DYNC2H1: variants seen among roughly 807,000 people sequenced by gnomAD.
The protein encoded by DYNC2H1 is cytoplasmic dynein 2 heavy chain 1.
Under a neutral mutation model 570.0 loss-of-function variants are expected in DYNC2H1, and 410 were observed. The observed-to-expected ratio is 0.72, with a 90% CI of 0.66 to 0.78. The LOEUF (loss-of-function observed/expected upper bound fraction) is 0.78. DYNC2H1 is among the 30% of genes least tolerant of loss of function. The pLI, the probability that DYNC2H1 is intolerant of heterozygous loss-of-function variation, is 0.00. For missense variants in DYNC2H1, 4,865 were observed against 5,046.4 expected (o/e 0.96, Z 1.09); for synonymous variants, 1,688 against 1,677.6 (o/e 1.01, Z -0.15).
In DYNC2H1 at chr11:103,249,637, G is replaced by C. The variant is rs1225319779; in HGVS notation, c.10043-3648G>C. The stretch of plus-strand genomic sequence containing the variant: ...ACTACTCTAGACTGAGATCTGGCCA[G>C]ATTCTAATAGCTTGGACTTTGTGTA... On this transcript the variant is annotated intron_variant, in intron 65 of 88. Transcript: ENST00000375735. This position sits in a 1 kb window ranked among gnomAD's most constrained non-coding sequence, Gnocchi z 4.6. Among the ~76,000 whole-genome samples, 1 of 152,000 alleles carries C rather than the reference G, an allele frequency of 6.6e-6. No homozygotes were observed. The highest frequency in any genetic ancestry group is 2.4e-5 in the African/African-American group (1 of 41,414).
At position 103,215,806 on chromosome 11, in the gene DYNC2H1, C is replaced by T. The variant is rs752196931; in HGVS notation, c.8780C>T (p.Thr2927Met). ...KAGEQSVLLK[T>M]KQDEADAALQ... ...GGAGAACAAAGTGTGTTACTTAAAA[C>T]GAAGCAAGATGAAGCAGATGCTGCC... The change falls in exon 55 of 89, where the codon ACG (threonine) becomes ATG (methionine). Residue 2927 changes from threonine (T) to methionine (M), a missense_variant. By Grantham distance (81) the Thr-to-Met change is moderately conservative (BLOSUM62 -1). Coordinates refer to ENST00000375735, the MANE Select transcript of DYNC2H1 (RefSeq NM_001377.3). The T allele has an allele frequency of 3.3e-5, 53 of 1,612,426 alleles. No homozygotes were observed. The highest frequency in any genetic ancestry group is 1.7e-4 in the Middle Eastern group (1 of 6,056).
intron 84 of DYNC2H1, among the ~76,000 whole-genome samples, chr11:103,421,154 G>A (rs1040639406): frequency 2.0e-5 from 3 of 151,720 alleles, no homozygotes; most frequent in Non-Finnish European, 1.5e-5. Flanking sequence ...AATGGTAAAG[G>A]GCTCAATTCA....
In DYNC2H1 at chr11:103,455,334, G is replaced by T; in HGVS notation, c.12566+39G>T. ...AATACTTTACCTATTTGTCCCTGACGGTAATTAGTTTTGCTTTATTGACTT... is the reference window on the plus strand; with the variant it reads ...AATACTTTACCTATTTGTCCCTGACTGTAATTAGTTTTGCTTTATTGACTT... On this transcript the variant is annotated intron_variant, in intron 86 of 88. Coordinates refer to ENST00000375735, the MANE Select transcript of DYNC2H1 (RefSeq NM_001377.3). The T allele has an allele frequency of 1.9e-6, 3 of 1,567,550 alleles. No homozygotes were observed. The African/African-American group carries it at 4.0e-5, about 21-fold the overall frequency.
chr11:103,231,182 A>T, intron 59 of DYNC2H1, 78 bp from the exon 60 acceptor site: 1 of 774,994 alleles, frequency 1.3e-6, no homozygotes, highest in Non-Finnish European at 2.0e-6. Context: ...TCATATGATT[A>T]CATTTTAAGG....
Position 103,282,230 on chromosome 11 carries a change from G to GTC in DYNC2H1, c.10812+2_10812+3insCT. On this transcript the variant is annotated splice_donor_variant, in intron 72 of 88. Transcript: ENST00000375735. LOFTEE classifies it high-confidence loss of function. ...TGTTGGAGACATGTTACGGAAAGCT[G>GTC]TAAGTTAAAATAACAAAATCTATTT... is the stretch of plus-strand genomic sequence containing the variant. The GTC allele has an allele frequency of 6.2e-7, 1 of 1,607,206 alleles. No homozygotes were observed. The highest frequency in any genetic ancestry group is 8.5e-7 in the Non-Finnish European group (1 of 1,177,300).
At chr11:103,473,078 A>G (rs1945436853) in intron 88 of DYNC2H1, among the ~76,000 whole-genome samples, 1 of 152,218 alleles carries the variant, frequency 6.6e-6, no homozygotes, top group Non-Finnish European at 1.5e-5. Flanking sequence ...TAAGACTTCT[A>G]TTGGGGCATG....
intron 40 of DYNC2H1, among the ~76,000 whole-genome samples, chr11:103,182,726 A>G (rs1345505712): frequency 6.6e-6 from 1 of 151,970 alleles, no homozygotes; most frequent in South Asian, 2.1e-4. Flanking sequence ...ATGAAAAATG[A>G]AAACATATAC....
intron 82 of DYNC2H1, among the ~76,000 whole-genome samples, chr11:103,357,167 G>A (rs914835184): frequency 1.3e-5 from 2 of 151,688 alleles, no homozygotes; most frequent in Admixed American, 6.6e-5. Context: ...TACTATTCTC[G>A]ATCATTAACA....
In DYNC2H1 at chr11:103,205,007, T is replaced by C; in HGVS notation, c.8454+43T>C. ...TAAAAAATTTAAAAGCACATTTTATTTTTGAAGTTATTGATTTTCACAACT... is the reference window on the plus strand; with the variant it reads ...TAAAAAATTTAAAAGCACATTTTATCTTTGAAGTTATTGATTTTCACAACT... On this transcript the variant is annotated intron_variant, in intron 52 of 88. Transcript: ENST00000375735. This position sits in a 1 kb window ranked among gnomAD's most constrained non-coding sequence, Gnocchi z 4.5. 6.6e-7 allele frequency: 1 copy of C among 1,521,340 alleles called. No individual in the cohort carries two copies. Among genetic ancestry groups the C allele is most frequent in the Non-Finnish European group, 8.8e-7 (1 of 1,130,684 alleles). The allele number at this position is 1,521,340 out of a possible 1,614,324, so 94.2% of individuals were successfully genotyped here.
intron 47 of DYNC2H1, among the ~76,000 whole-genome samples, chr11:103,196,103 G>A (rs1185097576): frequency 6.6e-6 from 1 of 152,126 alleles, no homozygotes; most frequent in Non-Finnish European, 1.5e-5. Context: ...GTTTTGTTTT[G>A]TTTTAAGAAG....
At chr11:103,150,349 A>G (rs1431305933) in intron 20 of DYNC2H1, among the ~76,000 whole-genome samples, 1 of 77,968 alleles carries the variant, frequency 1.3e-5, no homozygotes, top group African/African-American at 3.4e-5. Context: ...AATATGATAG[A>G]CAAGAGATGA....
intron 82 of DYNC2H1, among the ~76,000 whole-genome samples, chr11:103,345,354 A>G (rs1025457670): frequency 5.9e-5 from 9 of 152,192 alleles, no homozygotes; most frequent in Non-Finnish European, 1.0e-4. Flanking sequence ...CATAAGCTCA[A>G]GAGTTTCTCT....
At chr11:103,175,795 G>T (rs998910363) in intron 36 of DYNC2H1, among the ~76,000 whole-genome samples, 3 of 152,152 alleles carry the variant, frequency 2.0e-5, no homozygotes, top group African/African-American at 7.2e-5. Context: ...AATCTTAGCT[G>T]TAATATTGCT....
rs781711597 is a variant in DYNC2H1, at chr11:103,222,943, T to A, written c.9232-22T>A. On this transcript the variant is annotated intron_variant, in intron 58 of 88. Transcript: ENST00000375735. ...TTTGAAATTAAGTAAGGATGTTGAATCACTTCTCATGGATTTTTCAGAATG... is the reference window on the plus strand; with the variant it reads ...TTTGAAATTAAGTAAGGATGTTGAAACACTTCTCATGGATTTTTCAGAATG... The A allele has an allele frequency of 5.6e-6, 9 of 1,611,760 alleles. No individual in the cohort carries two copies. The East Asian group carries it at 2.0e-4, about 36-fold the overall frequency.
intron 39 of DYNC2H1, 80 bp downstream of exon 39, chr11:103,179,313 A>G: frequency 2.3e-6 from 3 of 1,295,224 alleles, no homozygotes; most frequent in Non-Finnish European, 3.1e-6. Flanking sequence ...AAATAAGTGT[A>G]GTGTGAATAA....
chr11:103,152,006 A>C lies in DYNC2H1; in HGVS notation c.2947-130A>C, dbSNP rs1191614904. 7 of 1,063,792 alleles carry C rather than the reference A, an allele frequency of 6.6e-6. No homozygotes were observed. In the Admixed American group the frequency reaches 1.2e-4, roughly 18 times the overall value. The allele number at this position is 1,063,792 out of a possible 1,614,324, so 65.9% of individuals were successfully genotyped here. ...AAATCAGAATATATAGGAATTTAACAAACTGTTTAAATGCAAAAATCTTAA... is the reference window on the plus strand; with the variant it reads ...AAATCAGAATATATAGGAATTTAACCAACTGTTTAAATGCAAAAATCTTAA... On this transcript the variant is annotated intron_variant, in intron 20 of 88. Transcript: ENST00000375735.
intron 52 of DYNC2H1, among the ~76,000 whole-genome samples, chr11:103,208,671 A>T (rs1171107040): frequency 6.6e-6 from 1 of 152,192 alleles, no homozygotes; most frequent in South Asian, 2.1e-4. Flanking sequence ...ATTGAAAGTT[A>T]GTGTGAAGGG....
chr11:103,470,641 C>T (rs1239730358), intron 88 of DYNC2H1, among the ~76,000 whole-genome samples: 1 of 152,122 alleles, frequency 6.6e-6, no homozygotes, highest in Non-Finnish European at 1.5e-5. Flanking sequence ...GTTCAATTCC[C>T]ACCTATGAGT....
chr11:103,414,926 CATAGAATCA>C (rs1168679727), intron 84 of DYNC2H1, among the ~76,000 whole-genome samples: 1 of 152,108 alleles, frequency 6.6e-6, no homozygotes, highest in African/African-American at 2.4e-5. Flanking sequence ...TATGTACCAC[CATAGAATCA>C]ATATCATGAA....
Sources: gnomAD v4.1 joint callset for allele counts (sites outside exome capture counted in the v4.1 genomes callset) on GRCh38, gnomAD v4.1.1 for gene constraint, Gnocchi (gnomAD v3.1) non-coding constraint, MANE v1.5 for transcripts, NCBI Gene and HGNC (gene_info 2026-07-23, HGNC 2026-07-21) for gene names.